Variants in NEGR1 observed in about 807,000 individuals in gnomAD.
NEGR1 encodes IgLON family member 4.
Under a neutral mutation model 40.9 loss-of-function variants are expected in NEGR1, and 10 were observed. That is an observed-to-expected ratio of 0.24 (90% CI 0.15 to 0.42). The LOEUF (loss-of-function observed/expected upper bound fraction) is 0.42. Among genes scored for constraint, NEGR1 ranks in the 10% least tolerant of loss-of-function variants. The pLI is 1.00. For missense variants in NEGR1, 352 were observed against 438.9 expected (o/e 0.80, Z 1.77); for synonymous variants, 185 against 166.8 (o/e 1.11, Z -0.84).
chr1:71,487,239 C>T (rs1646893515), intron 6 of NEGR1, among the ~76,000 whole-genome samples: 1 of 151,654 alleles, frequency 6.6e-6, no homozygotes. Flanking sequence ...TACACACTAA[C>T]ACTTTGTCTA....
chr1:72,190,547 T>C (rs1437812642), intron 1 of NEGR1, among the ~76,000 whole-genome samples: 2 of 151,662 alleles, frequency 1.3e-5, no homozygotes, highest in Non-Finnish European at 3.0e-5. Context: ...TATCAATCCA[T>C]AATGCACACA....
At chr1:72,110,622 C>A (rs1161161071) in intron 1 of NEGR1, among the ~76,000 whole-genome samples, 1 of 151,582 alleles carries the variant, frequency 6.6e-6, no homozygotes, top group African/African-American at 2.4e-5. Flanking sequence ...TCTAAAAGAG[C>A]TATGTAATTA....
intron 6 of NEGR1, among the ~76,000 whole-genome samples, chr1:71,580,420 C>A (rs939556853): frequency 6.6e-6 from 1 of 151,368 alleles, no homozygotes; most frequent in Admixed American, 6.6e-5. Flanking sequence ...AACTATCCTG[C>A]ACATTGTGCA....
At chr1:72,110,221 T>TAAAAAAAAAAAAAAA (rs57618301) in intron 1 of NEGR1, among the ~76,000 whole-genome samples, 1 of 106,988 alleles carries the variant, frequency 9.3e-6, no homozygotes, top group African/African-American at 3.3e-5. Flanking sequence ...TAGAGTATAA[T>TAAAAAAAAAAAAAAA]AAAAAAAAAA....
At chr1:71,421,247 A>C (rs1360989172) in intron 6 of NEGR1, 2 of 152,064 alleles carry the variant, frequency 1.3e-5, no homozygotes, top group Non-Finnish European at 2.9e-5. Flanking sequence ...ACATTTAGCT[A>C]TATGTCTAGA....
At chr1:71,597,556 T>C in intron 5 of NEGR1, among the ~76,000 whole-genome samples, 1 of 148,630 alleles carries the variant, frequency 6.7e-6, no homozygotes, top group East Asian at 2.1e-4. Context: ...CAGGAATGCT[T>C]TATGTATGTG....
At chr1:71,717,799 T>A (rs1654327611) in intron 3 of NEGR1, among the ~76,000 whole-genome samples, 1 of 152,180 alleles carries the variant, frequency 6.6e-6, no homozygotes, top group African/African-American at 2.4e-5. Flanking sequence ...AAGGTGGGCC[T>A]AATCCAGTAT....
intron 1 of NEGR1, among the ~76,000 whole-genome samples, chr1:72,176,944 G>C (rs551225661): frequency 4.6e-5 from 7 of 152,116 alleles, no homozygotes; most frequent in African/African-American, 1.7e-4. Context: ...TCAGTTTCAA[G>C]ATAAATTCAG....
intron 2 of NEGR1, among the ~76,000 whole-genome samples, chr1:71,848,915 C>T (rs997499901): frequency 1.3e-5 from 2 of 151,964 alleles, no homozygotes; most frequent in African/African-American, 4.8e-5. Flanking sequence ...CATGGTGAAC[C>T]CCCATCTCTA....
intron 2 of NEGR1, among the ~76,000 whole-genome samples, chr1:71,924,505 T>G (rs1318296854): frequency 6.6e-6 from 1 of 152,178 alleles, no homozygotes; most frequent in Admixed American, 6.5e-5. Flanking sequence ...TCCTCAAGTC[T>G]TCAATATTTC....
intron 1 of NEGR1, among the ~76,000 whole-genome samples, chr1:72,188,751 A>G (rs1056578089): frequency 3.3e-5 from 5 of 149,546 alleles, no homozygotes; most frequent in Non-Finnish European, 7.5e-5. Flanking sequence ...TTTAAAAACA[A>G]TTCCCTGAGT....
intron 2 of NEGR1, among the ~76,000 whole-genome samples, chr1:71,903,322 A>G (rs888941679): frequency 6.6e-6 from 1 of 151,992 alleles, no homozygotes; most frequent in South Asian, 2.1e-4. Flanking sequence ...TGTTTATGCA[A>G]TAAGTAATTC....
intron 2 of NEGR1, among the ~76,000 whole-genome samples, chr1:71,847,082 C>T (rs1659444044): frequency 6.6e-6 from 1 of 152,094 alleles, no homozygotes; most frequent in South Asian, 2.1e-4. Context: ...CCAATCAAAT[C>T]CCCCCATCTC....
At chr1:72,136,774 G>A (rs1185007902) in intron 1 of NEGR1, among the ~76,000 whole-genome samples, 1 of 151,944 alleles carries the variant, frequency 6.6e-6, no homozygotes, top group Non-Finnish European at 1.5e-5. Flanking sequence ...AAGAGCTTCT[G>A]CACAGCAAAA....
At chr1:72,137,046 A>T (rs1475343513) in intron 1 of NEGR1, among the ~76,000 whole-genome samples, 1 of 152,216 alleles carries the variant, frequency 6.6e-6, no homozygotes, top group Non-Finnish European at 1.5e-5. Context: ...CCACAATGAG[A>T]TACCATCTCA....
At chr1:71,969,078 G>A (rs961714641) in intron 1 of NEGR1, among the ~76,000 whole-genome samples, 22 of 151,664 alleles carry the variant, frequency 1.5e-4, no homozygotes, top group African/African-American at 4.6e-4. Flanking sequence ...GCAATGGTGC[G>A]ATCTTGGCTT....
chr1:72,251,622 G>T (rs1456016528), intron 1 of NEGR1, among the ~76,000 whole-genome samples: 2 of 152,028 alleles, frequency 1.3e-5, no homozygotes, highest in Non-Finnish European at 2.9e-5. Flanking sequence ...TAAATGCTAT[G>T]TCAATCATTG....
intron 1 of NEGR1, among the ~76,000 whole-genome samples, chr1:72,187,510 C>T (rs1652655372): frequency 6.6e-6 from 1 of 151,306 alleles, no homozygotes; most frequent in Non-Finnish European, 1.5e-5. Context: ...ATCTATTTTG[C>T]TGTTTTCCTG....
chr1:71,760,827 G>T (rs951260139), intron 3 of NEGR1, among the ~76,000 whole-genome samples: 2 of 152,088 alleles, frequency 1.3e-5, no homozygotes, highest in Admixed American at 6.6e-5. Flanking sequence ...TAACACACTT[G>T]GTGTTGGTCC....
Sources: gnomAD v4.1 joint callset for allele counts (sites outside exome capture counted in the v4.1 genomes callset) on GRCh38, gnomAD v4.1.1 for gene constraint, MANE v1.5 for transcripts, NCBI Gene and HGNC (gene_info 2026-07-23, HGNC 2026-07-21) for gene names.